Variants in IFT80 observed in about 807,000 individuals in gnomAD.
The protein encoded by IFT80 is intraflagellar transport protein 80 homolog.
A neutral mutation model predicts 107.9 loss-of-function variants in IFT80; 79 were observed. That is an observed-to-expected ratio of 0.73 (90% CI 0.61 to 0.88). The LOEUF (loss-of-function observed/expected upper bound fraction) is 0.88, where lower values mean the gene tolerates loss of function less well. Ranked by LOEUF, IFT80 falls within the 40% of genes least tolerant of loss-of-function variation. The probability of loss-of-function intolerance (pLI) is 0.00; values close to 1 mark genes in which losing one functional copy is unlikely to be tolerated. For missense variants in IFT80, 797 were observed against 914.2 expected, an observed-to-expected ratio of 0.87 and a Z score of 1.65; for synonymous variants, 299 against 300.9, an observed-to-expected ratio of 0.99 and a Z score of 0.07.
intron 11 of IFT80, 69 bp from the exon 12 acceptor site, chr3:160,301,115 A>G (rs550520825): frequency 7.3e-7 from 1 of 1,365,386 alleles, no homozygotes; most frequent in East Asian, 2.5e-5. Context: ...CATATTACAG[A>G]ATAGTTTATC....
chr3:160,354,887 G>A (rs1172538320), intron 8 of IFT80, among the ~76,000 whole-genome samples: 3 of 152,280 alleles, frequency 2.0e-5, no homozygotes, highest in East Asian at 3.9e-4. Context: ...AAGCTAGGCA[G>A]AGGACTTCAT....
At chr3:160,268,777 C>T (rs1713556716) in intron 18 of IFT80, 1 of 474,360 alleles carries the variant, frequency 2.1e-6, no homozygotes, top group Non-Finnish European at 3.8e-6. Context: ...ATTATCTTAT[C>T]TATGCTTCAT....
At chr3:160,398,678 G>A (rs943297473) in intron 1 of IFT80, among the ~76,000 whole-genome samples, 1 of 152,050 alleles carries the variant, frequency 6.6e-6, no homozygotes, top group African/African-American at 2.4e-5. Context: ...CTAAGTTCTC[G>A]GGGAACAGGA....
At chr3:160,263,040 T>TA (rs1559907626) in intron 19 of IFT80, among the ~76,000 whole-genome samples, 2 of 152,224 alleles carry the variant, frequency 1.3e-5, no homozygotes, top group African/African-American at 4.8e-5. Context: ...GGACACCTGA[T>TA]AGACACTCTA....
intron 1 of IFT80, among the ~76,000 whole-genome samples, chr3:160,385,928 A>G (rs886160600): frequency 6.6e-6 from 1 of 152,230 alleles, no homozygotes; most frequent in South Asian, 2.1e-4. Flanking sequence ...TCTGGAAATG[A>G]GAATACAATA....
At chr3:160,263,242 C>A (rs921346736) in intron 19 of IFT80, among the ~76,000 whole-genome samples, 1 of 152,188 alleles carries the variant, frequency 6.6e-6, no homozygotes, top group African/African-American at 2.4e-5. Flanking sequence ...CAACTGTTCT[C>A]TTAATTTTAC....
intron 3 of IFT80, 93 bp from the exon 4 acceptor site, chr3:160,377,633 G>A: frequency 2.0e-5 from 13 of 646,518 alleles, no homozygotes; most frequent in South Asian, 5.9e-5. Flanking sequence ...AAGGCATAAA[G>A]GCAAATATTA....
At chr3:160,323,417 C>A (rs1236505826) in intron 8 of IFT80, among the ~76,000 whole-genome samples, 1 of 151,746 alleles carries the variant, frequency 6.6e-6, no homozygotes, top group African/African-American at 2.4e-5. Flanking sequence ...GGTACCAGTA[C>A]CATGCTGTTT....
chr3:160,348,877 T>C (rs901597883), intron 8 of IFT80, among the ~76,000 whole-genome samples: 9 of 151,972 alleles, frequency 5.9e-5, no homozygotes, highest in African/African-American at 2.2e-4. Context: ...ACTTGACAAA[T>C]CTATAGGAAA....
In IFT80 at chr3:160,320,700, C is replaced by G. The variant is rs377040973; in HGVS notation, c.778-761G>C. ...ACATATTCTCTTTTCATTCTTCCAGCCTTACAGCGTATAATCACAGTCTTG... is the reference window on the plus strand; with the variant it reads ...ACATATTCTCTTTTCATTCTTCCAGGCTTACAGCGTATAATCACAGTCTTG... On this transcript the variant is annotated intron_variant, in intron 8 of 19. Transcript: ENST00000326448. Among the ~76,000 whole-genome samples, 124 of 151,772 alleles carry G rather than the reference C, an allele frequency of 8.2e-4. 1 individual carries two copies. The East Asian group carries it at 0.011, about 13-fold the overall frequency.
At chr3:160,394,936 G>A (rs2108426197) in intron 1 of IFT80, among the ~76,000 whole-genome samples, 1 of 152,252 alleles carries the variant, frequency 6.6e-6, no homozygotes, top group South Asian at 2.1e-4. Context: ...GGGAAGATAT[G>A]CAAGACACTT....
intron 12 of IFT80, among the ~76,000 whole-genome samples, chr3:160,292,297 A>T (rs931954416): frequency 1.3e-5 from 2 of 152,296 alleles, no homozygotes; most frequent in Admixed American, 6.5e-5. Context: ...ATGTCCAACA[A>T]TGGGCAGAGA....
chr3:160,272,202 C>A (rs940247905), intron 18 of IFT80, among the ~76,000 whole-genome samples: 4 of 152,114 alleles, frequency 2.6e-5, no homozygotes. Flanking sequence ...GTGTGTGGAT[C>A]TTTATTGGAT....
At chr3:160,332,490 T>C (rs1719162048) in intron 8 of IFT80, among the ~76,000 whole-genome samples, 1 of 152,162 alleles carries the variant, frequency 6.6e-6, no homozygotes, top group Non-Finnish European at 1.5e-5. Flanking sequence ...GATTACATTA[T>C]TAGGTTCCTA....
chr3:160,307,782 C>A lies in IFT80; in HGVS notation c.958-1G>T, dbSNP rs202051267. ...CTGCATCATTAAGAACATTACGAAC[C>A]TAAACAAGGAAAAATAAAATACCAA... On this transcript the variant is annotated splice_acceptor_variant, in intron 9 of 19. Coordinates refer to ENST00000326448, the MANE Select transcript of IFT80 (RefSeq NM_020800.3). LOFTEE classifies it high-confidence loss of function. 25 of 1,433,086 alleles carry A rather than the reference C, an allele frequency of 1.7e-5. No homozygotes were observed. The Admixed American group carries it at 3.4e-4, about 19-fold the overall frequency. 88.8% of individuals were successfully genotyped at this position (1,433,086 alleles called of 1,614,324 possible). A position where few individuals can be genotyped will look rare whatever the true frequency, so the allele number is the denominator to read the frequency against.
In IFT80 at chr3:160,375,342, AGT is replaced by A. The variant is rs561087321; in HGVS notation, c.439+468_439+469del. On this transcript the variant is annotated intron_variant, in intron 5 of 19. Transcript: ENST00000326448. The stretch of plus-strand genomic sequence containing the variant: ...CTAAATAGTGTGGTTTCAGATTCTT[AGT>A]GTGTCTGTTCCCCTCCATCAGTATA... Among the ~76,000 whole-genome samples the A allele has an allele frequency of 1.2e-4, 18 of 152,284 alleles. No homozygotes were observed. In the South Asian group the frequency reaches 3.5e-3, roughly 30 times the overall value.
chr3:160,363,881 G>A (rs1019614634), intron 6 of IFT80, among the ~76,000 whole-genome samples: 1 of 152,126 alleles, frequency 6.6e-6, no homozygotes, highest in Admixed American at 6.6e-5. Flanking sequence ...AGTCTTAAAT[G>A]TTAGACCTAA....
At chr3:160,329,953 T>A (rs1718971523) in intron 8 of IFT80, among the ~76,000 whole-genome samples, 1 of 152,202 alleles carries the variant, frequency 6.6e-6, no homozygotes, top group Non-Finnish European at 1.5e-5. Context: ...TTGACCAGAC[T>A]CTCACTTTAA....
At chr3:160,320,565 A>G (rs1021307779) in intron 8 of IFT80, among the ~76,000 whole-genome samples, 3 of 151,882 alleles carry the variant, frequency 2.0e-5, no homozygotes, top group Admixed American at 1.3e-4. Context: ...TATAAATAAG[A>G]CATAAGAAAA....
Sources: allele counts gnomAD v4.1 joint callset (sites outside exome capture counted in the v4.1 genomes callset), GRCh38; gene constraint gnomAD v4.1.1; transcripts MANE v1.5; gene names NCBI Gene and HGNC (gene_info 2026-07-23, HGNC 2026-07-21).